The following PAPPA2 variants were observed in gnomAD, a reference collection of about 807,000 sequenced individuals.
PAPPA2 encodes the protein pappalysin-2.
In PAPPA2, 86 loss-of-function variants were observed where a neutral mutation model predicts 176.4. That is an observed-to-expected ratio of 0.49 (90% CI 0.41 to 0.58). The LOEUF is 0.58. Ranked by LOEUF, PAPPA2 falls within the 20% of genes least tolerant of loss-of-function variation. PAPPA2 has a pLI of 0.00. For synonymous variants in PAPPA2, 809 were observed against 852.2 expected (o/e 0.95, Z 0.88); for missense variants, 2,073 against 2,256.9 (o/e 0.92, Z 1.65).
At chr1:176,804,425 C>T (rs1665807826) in intron 21 of PAPPA2, among the ~76,000 whole-genome samples, 1 of 152,128 alleles carries the variant, frequency 6.6e-6, no homozygotes, top group African/African-American at 2.4e-5. Context: ...GACAGGGATG[C>T]TGCTGAATAT....
At position 176,844,638 on chromosome 1, in the gene PAPPA2, T is replaced by A. The variant is rs1044252; in HGVS notation, c.*2184T>A. On this transcript the variant is annotated 3_prime_UTR_variant, in exon 23 of 23. Coordinates refer to ENST00000367662, the MANE Select transcript of PAPPA2 (RefSeq NM_020318.3). ...CTTGGGATTCTGATAGGCTTCAATA[T>A]GCAAAGGACAATGGAAAAGTTTAGA... is the stretch of plus-strand genomic sequence containing the variant. 6.6e-6 allele frequency: 1 copy of A among 151,956 alleles called. No homozygotes were observed. Among genetic ancestry groups the A allele is most frequent in the Non-Finnish European group, 1.5e-5 (1 of 67,972 alleles). The allele number at this position is 151,956 out of a possible 1,614,324, so 9.4% of individuals were successfully genotyped here. A position where few individuals can be genotyped will look rare whatever the true frequency, so the allele number is the denominator to read the frequency against.
chr1:176,675,971 A>T (rs1352985206), intron 4 of PAPPA2, among the ~76,000 whole-genome samples: 2 of 152,104 alleles, frequency 1.3e-5, no homozygotes, highest in Non-Finnish European at 1.5e-5. Context: ...AAATAAATCT[A>T]TGAAACAATG....
intron 4 of PAPPA2, among the ~76,000 whole-genome samples, chr1:176,681,655 G>T (rs150478379): frequency 7.6e-4 from 115 of 152,248 alleles, no homozygotes; most frequent in African/African-American, 2.5e-3. Context: ...TGGTGTATCT[G>T]TGGTTGCCCT....
chr1:176,761,148 C>A (rs1314183198), intron 14 of PAPPA2, among the ~76,000 whole-genome samples: 1 of 152,080 alleles, frequency 6.6e-6, no homozygotes, highest in African/African-American at 2.4e-5. Flanking sequence ...CATTGCAACA[C>A]AATGACATTG....
intron 12 of PAPPA2, among the ~76,000 whole-genome samples, chr1:176,738,463 A>G (rs1350567605): frequency 6.6e-6 from 1 of 152,140 alleles, no homozygotes; most frequent in Non-Finnish European, 1.5e-5. Context: ...ATTCTTGTTA[A>G]AATGAAAACA....
intron 1 of PAPPA2, among the ~76,000 whole-genome samples, chr1:176,544,542 C>T (rs1650526367): frequency 6.6e-6 from 1 of 152,156 alleles, no homozygotes; most frequent in South Asian, 2.1e-4. Context: ...TATTCATATG[C>T]AATACCTCTG....
At chr1:176,641,470 T>C (rs1657085797) in intron 3 of PAPPA2, among the ~76,000 whole-genome samples, 1 of 151,424 alleles carries the variant, frequency 6.6e-6, no homozygotes, top group Non-Finnish European at 1.5e-5. Context: ...TGCTTGTTTT[T>C]CTCAGGTTTG....
At chr1:176,674,211 A>G (rs1341293943) in intron 4 of PAPPA2, among the ~76,000 whole-genome samples, 2 of 152,094 alleles carry the variant, frequency 1.3e-5, no homozygotes, top group African/African-American at 2.4e-5. Flanking sequence ...TGCAAGGGTA[A>G]ACAGAAGTAG....
At chr1:176,742,846 A>G (rs981828387) in intron 14 of PAPPA2, among the ~76,000 whole-genome samples, 3 of 152,104 alleles carry the variant, frequency 2.0e-5, no homozygotes, top group African/African-American at 7.2e-5. Flanking sequence ...TTCCACTGAT[A>G]CTTACATGGG....
At chr1:176,559,466 G>A (rs1440252105) in intron 2 of PAPPA2, among the ~76,000 whole-genome samples, 1 of 152,180 alleles carries the variant, frequency 6.6e-6, no homozygotes, top group Non-Finnish European at 1.5e-5. Flanking sequence ...CATTCTTTGG[G>A]ATTCTAGCAA....
intron 2 of PAPPA2, among the ~76,000 whole-genome samples, chr1:176,572,266 C>T (rs16849967): frequency 0.078 from 11,863 of 152,226 alleles, 1,524 homozygotes; most frequent in African/African-American, 0.27. Flanking sequence ...TTACTTAACC[C>T]GTGTCAATTC....
intron 1 of PAPPA2, among the ~76,000 whole-genome samples, chr1:176,467,792 T>C (rs1442224406): frequency 6.6e-6 from 1 of 152,242 alleles, no homozygotes; most frequent in African/African-American, 2.4e-5. Flanking sequence ...ATAACTGAGA[T>C]GCTAGACACA....
At chr1:176,465,813 G>T (rs962725729) in intron 1 of PAPPA2, among the ~76,000 whole-genome samples, 3 of 151,760 alleles carry the variant, frequency 2.0e-5, no homozygotes, top group Non-Finnish European at 4.4e-5. Flanking sequence ...CCACCTTCCG[G>T]TAGGCCCCAG....
intron 1 of PAPPA2, among the ~76,000 whole-genome samples, chr1:176,483,696 C>T (rs955084485): frequency 1.3e-5 from 2 of 151,990 alleles, no homozygotes; most frequent in South Asian, 2.1e-4. Flanking sequence ...GTCTCAAACT[C>T]CTGACCTTGT....
intron 12 of PAPPA2, among the ~76,000 whole-genome samples, chr1:176,717,637 C>CTTGG (rs1385944622): frequency 6.6e-6 from 1 of 152,240 alleles, no homozygotes; most frequent in Non-Finnish European, 1.5e-5. Context: ...AAAACCTCTC[C>CTTGG]TTGGCTAAGC....
rs1363754160 is a variant in PAPPA2 at position 176,711,501 on chromosome 1, A to AAGGGCTTCATC, written c.3652-332_3652-322dup. ...TTGGGGCCAGTGGATGCTGCCTGGT[A>AAGGGCTTCATC]AGGGCTTCATCATCACCCCAGACAG... On this transcript the variant is annotated intron_variant, in intron 11 of 22. Coordinates refer to ENST00000367662, the MANE Select transcript of PAPPA2 (RefSeq NM_020318.3). Among the ~76,000 whole-genome samples, 28 of 152,082 alleles carry AAGGGCTTCATC rather than the reference A, an allele frequency of 1.8e-4. 1 individual carries two copies. Among genetic ancestry groups the AAGGGCTTCATC allele is most frequent in the African/African-American group, 2.4e-5 (1 of 41,426 alleles).
intron 6 of PAPPA2, 33 bp downstream of exon 6, chr1:176,692,351 T>C (rs1305319914): frequency 6.5e-7 from 1 of 1,549,194 alleles, no homozygotes; most frequent in Admixed American, 1.8e-5. Flanking sequence ...GTGAGCTGGC[T>C]TATTTCTCTG....
At chr1:176,668,124 G>C (rs1292266831) in intron 3 of PAPPA2, among the ~76,000 whole-genome samples, 1 of 152,180 alleles carries the variant, frequency 6.6e-6, no homozygotes, top group Non-Finnish European at 1.5e-5. Flanking sequence ...GGGCATGTCA[G>C]AACTAACAAG....
chr1:176,842,487 A>G lies in PAPPA2; in HGVS notation c.*33A>G. 1 of 1,584,912 alleles carries G rather than the reference A, an allele frequency of 6.3e-7. No homozygotes were observed. Among genetic ancestry groups the G allele is most frequent in the Non-Finnish European group, 8.7e-7 (1 of 1,154,790 alleles). On this transcript the variant is annotated 3_prime_UTR_variant, in exon 23 of 23. Coordinates refer to ENST00000367662, the MANE Select transcript of PAPPA2 (RefSeq NM_020318.3). ...AACAAGCCCCTCCCTCCACTGCCTC[A>G]GAGGCAGTAAGAAAGAGAGGCCGAC... is the stretch of plus-strand genomic sequence containing the variant.
Sources: allele counts gnomAD v4.1 joint callset (sites outside exome capture counted in the v4.1 genomes callset), GRCh38; gene constraint gnomAD v4.1.1; transcripts MANE v1.5; gene names NCBI Gene and HGNC (gene_info 2026-07-23, HGNC 2026-07-21).